SRCAP: variants seen among roughly 807,000 people sequenced by gnomAD.
SRCAP encodes the protein Snf2 related CREBBP activator protein.
SRCAP carries 46 observed loss-of-function variants against 263.1 expected under a neutral mutation model. The ratio of observed to expected loss-of-function variants is 0.17; its 90% CI spans 0.14 to 0.22. The LOEUF is 0.22. SRCAP is among the 10% of genes least tolerant of loss of function. The probability of loss-of-function intolerance (pLI) is 1.00; values close to 1 mark genes in which losing one functional copy is unlikely to be tolerated. For missense variants in SRCAP, 3,695 were observed against 4,181.9 expected (o/e 0.88, Z 3.21); for synonymous variants, 1,813 against 1,662.1 (o/e 1.09, Z -2.21).
At chr16:30,727,149 T>C (rs905661881) in intron 25 of SRCAP, among the ~76,000 whole-genome samples, 5 of 152,140 alleles carry the variant, frequency 3.3e-5, no homozygotes, top group African/African-American at 1.2e-4. Context: ...CATCATCACT[T>C]TGATTATAGC....
At chr16:30,714,507 C>CTTTTTTTTTCT (rs2052926087) in intron 16 of SRCAP, among the ~76,000 whole-genome samples, 1 of 100,000 alleles carries the variant, frequency 1.0e-5, no homozygotes, top group South Asian at 3.4e-4. Flanking sequence ...CCGTGCCGGG[C>CTTTTTTTTTCT]TTTTTTTTTT....
In SRCAP at chr16:30,729,100, T is replaced by C. The variant is rs142865211; in HGVS notation, c.5793T>C (p.Pro1931=). ...EVLDFCTLPQ[P]VASPIGPRSP... ...TGGATTTCTGTACCCTGCCCCAACCTGTTGCCAGCCCCATCGGCCCTCGTT... is the reference window on the plus strand; with the variant it reads ...TGGATTTCTGTACCCTGCCCCAACCCGTTGCCAGCCCCATCGGCCCTCGTT... Residue 1931 remains proline, a synonymous_variant, in exon 26 of 34, where the codon CCT becomes CCC. Transcript: ENST00000262518. The C allele has an allele frequency of 6.2e-7, 1 of 1,614,082 alleles. No homozygotes were observed. Among genetic ancestry groups the C allele is most frequent in the African/African-American group, 1.3e-5 (1 of 74,928 alleles).
At position 30,720,264 on chromosome 16, in the gene SRCAP, C is replaced by T; in HGVS notation, c.2920C>T (p.Leu974=). ...LPRHRLSRRV[L]LEVATAPDPP... The stretch of plus-strand genomic sequence containing the variant: ...CCGGCACCGCCTCTCTCGCCGGGTA[C>T]TGTTAGAAGTGGCTACTGCTCCTGA... The change falls in exon 19 of 34, where the codon CTG becomes TTG. Residue 974 remains leucine (L), a synonymous_variant. Transcript: ENST00000262518. 6.2e-7 allele frequency: 1 copy of T among 1,614,192 alleles called. No individual in the cohort carries two copies. The highest frequency in any genetic ancestry group is 1.1e-5 in the South Asian group (1 of 91,078).
At position 30,735,433 on chromosome 16, in the gene SRCAP, A is replaced by G. The variant is rs528653765; in HGVS notation, c.6730-767A>G. Reference sequence around the variant, plus strand: ...AGTGCTGGGATTACAGGCGTGAGCCACCGCGCCCGGCCACAAAGCATTTCT... The same window carrying G: ...AGTGCTGGGATTACAGGCGTGAGCCGCCGCGCCCGGCCACAAAGCATTTCT... On this transcript the variant is annotated intron_variant, in intron 31 of 33. Coordinates refer to ENST00000262518, the MANE Select transcript of SRCAP (RefSeq NM_006662.3). 6.4e-4 allele frequency among the ~76,000 whole-genome samples: 97 copies of G among 152,060 alleles called. 2 individuals carry two copies. The South Asian group carries it at 0.02, about 31-fold the overall frequency.
In SRCAP at chr16:30,699,261, A is replaced by G. The variant is rs1596635735; in HGVS notation, c.-284+19A>G. ...GCTTCTGGTGAGCTCGGGTCTTGGG[A>G]ACGTGTGGCGGAGTAGGGAGTGAAT... is the stretch of plus-strand genomic sequence containing the variant. On this transcript the variant is annotated intron_variant, in intron 1 of 33. Transcript: ENST00000262518. The G allele has an allele frequency of 2.5e-6, 1 of 398,582 alleles. No homozygotes were observed. Among genetic ancestry groups the G allele is most frequent in the South Asian group, 1.3e-4 (1 of 7,860 alleles). 24.7% of individuals were successfully genotyped at this position (398,582 alleles called of 1,614,324 possible). A position where few individuals can be genotyped will look rare whatever the true frequency, so the allele number is the denominator to read the frequency against.
At chr16:30,703,174 T>C (rs1036470388) in intron 3 of SRCAP, among the ~76,000 whole-genome samples, 3 of 151,268 alleles carry the variant, frequency 2.0e-5, no homozygotes, top group African/African-American at 4.9e-5. Flanking sequence ...TATATGTATG[T>C]ATATAAATTT....
In SRCAP at chr16:30,738,547, CTGG is replaced by C; in HGVS notation, c.8514_8516del (p.Gly2839del). The C allele has an allele frequency of 6.2e-7, 1 of 1,611,626 alleles. No individual in the cohort carries two copies. Among genetic ancestry groups the C allele is most frequent in the Non-Finnish European group, 8.5e-7 (1 of 1,178,740 alleles). On this transcript the variant is annotated inframe_deletion, in exon 34 of 34. Coordinates refer to ENST00000262518, the MANE Select transcript of SRCAP (RefSeq NM_006662.3). The stretch of plus-strand genomic sequence containing the variant: ...CGCCGTCACATTGAGCTGGGGGTGA[CTGG>C]TGGTGGCAGCCCCGAGAATGGAGAC...
At chr16:30,710,375 A>T (rs959176980) in intron 8 of SRCAP, among the ~76,000 whole-genome samples, 2 of 152,094 alleles carry the variant, frequency 1.3e-5, no homozygotes, top group African/African-American at 4.8e-5. Context: ...TGTGGTCTTG[A>T]AAAAGTACTT....
intron 27 of SRCAP, among the ~76,000 whole-genome samples, chr16:30,730,250 T>G (rs2053100600): frequency 6.6e-6 from 1 of 152,232 alleles, no homozygotes; most frequent in Admixed American, 6.5e-5. Flanking sequence ...GCACAGTAAG[T>G]AAACAGTAAA....
intron 11 of SRCAP, 30 bp from the exon 12 acceptor site, chr16:30,711,805 T>C: frequency 6.2e-7 from 1 of 1,611,524 alleles, no homozygotes; most frequent in African/African-American, 1.3e-5. Flanking sequence ...GCAGGTATGA[T>C]GAGCAGTAAG....
In SRCAP at chr16:30,720,819, C is replaced by G. The variant is rs2053004030; in HGVS notation, c.3094C>G (p.Leu1032Val). 2 of 1,614,090 alleles carry G rather than the reference C, an allele frequency of 1.2e-6. No individual in the cohort carries two copies. Among genetic ancestry groups the G allele is most frequent in the African/African-American group, 2.7e-5 (2 of 75,020 alleles). Residue 1032 changes from leucine to valine, a missense_variant, in exon 20 of 34, where the codon CTC becomes GTC. This residue lies in a region of SRCAP where 1,347 missense variants were observed against 1,304.4 expected (regional missense o/e 1.03). Coordinates refer to ENST00000262518, the MANE Select transcript of SRCAP (RefSeq NM_006662.3). Reference protein sequence around the residue: ...VPVRPPPGPELSAQPTPGPVP... With the variant: ...VPVRPPPGPEVSAQPTPGPVP... Reference sequence around the variant, plus strand: ...AGTTCGACCTCCTCCAGGTCCTGAGCTCTCAGCCCAGCCCACCCCTGGCCC... The same window carrying G: ...AGTTCGACCTCCTCCAGGTCCTGAGGTCTCAGCCCAGCCCACCCCTGGCCC...
chr16:30,736,101 T>C, intron 31 of SRCAP, 99 bp from the exon 32 acceptor site: 4 of 1,431,072 alleles, frequency 2.8e-6, no homozygotes, highest in African/African-American at 1.4e-5. Context: ...CAAACCTAGT[T>C]TGGTGTACGC....
intron 3 of SRCAP, 44 bp from the exon 4 acceptor site, chr16:30,704,020 C>G (rs1379883172): frequency 6.3e-7 from 1 of 1,575,780 alleles, no homozygotes; most frequent in Non-Finnish European, 8.6e-7. Context: ...ACACTCAGCA[C>G]AGTGCGAAGC....
In SRCAP at chr16:30,737,407, C is replaced by CCCTTGTTCCTGT. The variant is rs781462566; in HGVS notation, c.7370_7381dup (p.Leu2457_Val2460dup). 1 of 1,608,798 alleles carries CCCTTGTTCCTGT rather than the reference C, an allele frequency of 6.2e-7. No homozygotes were observed. Among genetic ancestry groups the CCCTTGTTCCTGT allele is most frequent in the East Asian group, 2.3e-5 (1 of 44,356 alleles). ...GCTTCAGCTCCGGCTGCAATTCCTG[C>CCCTTGTTCCTGT]CCTTGTTCCTGTCCCAGTTTCTGCC... On this transcript the variant is annotated inframe_insertion, in exon 34 of 34. Coordinates refer to ENST00000262518, the MANE Select transcript of SRCAP (RefSeq NM_006662.3).
chr16:30,714,927 C>T (rs8058578), intron 16 of SRCAP, among the ~76,000 whole-genome samples: 48,018 of 151,964 alleles, frequency 0.32, 8,554 homozygotes, highest in South Asian at 0.68. Context: ...GGTGTTTTCT[C>T]TCTCTGGTCT....
rs760156577 is a variant in SRCAP, at chr16:30,724,029, A to G, written c.4605A>G (p.Pro1535=). 3.1e-6 allele frequency: 5 copies of G among 1,613,804 alleles called. No individual in the cohort carries two copies. In the African/African-American group the frequency reaches 4.0e-5, roughly 13 times the overall value. ...TGGCTCCCACCTCTTCACATGTTCC[A>G]GGGTTGAACTCAACCGTGGCCCCAG... ...LLLAPTSSHV[P]GLNSTVAPAC... Residue 1535 remains proline, a synonymous_variant, in exon 25 of 34, where the codon CCA becomes CCG. Transcript: ENST00000262518.
rs2053008060 is a variant in SRCAP at position 30,721,203 on chromosome 16, C to CT, written c.3269dup (p.Val1092GlyfsTer35). On this transcript the variant is annotated frameshift_variant, in exon 21 of 34. Transcript: ENST00000262518. LOFTEE classifies it high-confidence loss of function. ...TGTGTCTGCAGTGTTGCCATCCCCC[C>CT]TGGGGGTCCTGAGTGGGACCTCACG... 1 of 1,610,108 alleles carries CT rather than the reference C, an allele frequency of 6.2e-7. No individual in the cohort carries two copies. Among genetic ancestry groups the CT allele is most frequent in the Non-Finnish European group, 8.5e-7 (1 of 1,177,882 alleles).
chr16:30,724,638 A>T lies in SRCAP; in HGVS notation c.5214A>T (p.Pro1738=). The T allele has an allele frequency of 6.2e-7, 1 of 1,613,716 alleles. No homozygotes were observed. Among genetic ancestry groups the T allele is most frequent in the South Asian group, 1.1e-5 (1 of 91,060 alleles). The change falls in exon 25 of 34, where the codon CCA becomes CCT. Residue 1738 remains proline, a synonymous_variant. Coordinates refer to ENST00000262518, the MANE Select transcript of SRCAP (RefSeq NM_006662.3). ...PAQTLSLAPG[P]PLGPTQTLSL... ...AGACACTGTCTTTGGCACCAGGACC[A>T]CCACTGGGTCCAACTCAGACGCTGT...
At chr16:30,716,263 A>T in intron 17 of SRCAP, 30 bp from the exon 18 acceptor site, 1 of 1,613,224 alleles carries the variant, frequency 6.2e-7, no homozygotes, top group Non-Finnish European at 8.5e-7. Context: ...GGCTGTTAGG[A>T]CGTCTCATTT....
Sources: gnomAD v4.1 joint callset for allele counts (sites outside exome capture counted in the v4.1 genomes callset) on GRCh38, gnomAD v4.1.1 for gene constraint, gnomAD v4.1.1 regional missense constraint, MANE v1.5 for transcripts, NCBI Gene and HGNC (gene_info 2026-07-23, HGNC 2026-07-21) for gene names.